The following SLC18A1 variants were observed in gnomAD, a reference collection of about 807,000 sequenced individuals.
SLC18A1 encodes chromaffin granule amine transporter.
Under a neutral mutation model 53.7 loss-of-function variants are expected in SLC18A1, and 69 were observed. The ratio of observed to expected loss-of-function variants is 1.28; its 90% CI spans 1.06 to 1.57. SLC18A1 has a LOEUF of 1.57. SLC18A1 is among the 40% of genes most tolerant of loss of function. The probability of loss-of-function intolerance (pLI) is 0.00; values close to 1 mark genes in which losing one functional copy is unlikely to be tolerated. For missense variants in SLC18A1, 932 were observed against 668.1 expected, an observed-to-expected ratio of 1.40 and a Z score of -4.35; for synonymous variants, 320 against 248.1, an observed-to-expected ratio of 1.29 and a Z score of -2.72.
intron 12 of SLC18A1, among the ~76,000 whole-genome samples, chr8:20,148,900 C>G (rs2071474171): frequency 6.6e-6 from 1 of 152,150 alleles, no homozygotes. Flanking sequence ...CCTTGACAAC[C>G]CTGTGGACAC....
rs183708009 is a variant in SLC18A1 at position 20,168,419 on chromosome 8, C to A, written c.858+2684G>T. 6.4e-3 allele frequency among the ~76,000 whole-genome samples: 968 copies of A among 152,086 alleles called. 21 individuals carry two copies. The highest frequency in any genetic ancestry group is 0.022 in the African/African-American group (895 of 41,412). ...GTGATGAACTACAAAAATAGGACTC[C>A]ATGATTCTACACTGATAATATCAGA... On this transcript the variant is annotated intron_variant, in intron 8 of 15. Transcript: ENST00000276373.
At chr8:20,166,309 ATATATATATATATATATATATACACCAC>A (rs1370829670) in intron 8 of SLC18A1, among the ~76,000 whole-genome samples, 2 of 92,056 alleles carry the variant, frequency 2.2e-5, no homozygotes, top group Admixed American at 2.1e-4. Context: ...ATATATATAT[ATATATATATATATATATATATACACCAC>A]CAGGTGGAAA....
intron 4 of SLC18A1, chr8:20,175,346 C>A (rs2072229578): frequency 6.6e-6 from 1 of 152,156 alleles, no homozygotes; most frequent in Non-Finnish European, 1.5e-5. Context: ...CGACATACAT[C>A]CTCAGTTTAC....
chr8:20,170,550 T>C (rs6997438), intron 8 of SLC18A1, among the ~76,000 whole-genome samples: 115,816 of 152,000 alleles, frequency 0.76, 44,688 homozygotes, highest in African/African-American at 0.87. Context: ...TTTCCAGAGC[T>C]GTTTTTGGCT....
Position 20,180,989 on chromosome 8 carries a change from T to C in SLC18A1, c.-25A>G, listed in dbSNP as rs1360584352. 1.3e-6 allele frequency: 2 copies of C among 1,555,566 alleles called. No homozygotes were observed. The highest frequency in any genetic ancestry group is 1.7e-6 in the Non-Finnish European group (2 of 1,149,216). On this transcript the variant is annotated 5_prime_UTR_variant, in exon 2 of 16. Coordinates refer to ENST00000276373, the MANE Select transcript of SLC18A1 (RefSeq NM_003053.4). ...TGGTGATGGCCGGACTGGGGCAGTC[T>C]TCCCCTGCGGGCTCTTAGGGAAGGT...
chr8:20,179,188 C>T lies in SLC18A1; in HGVS notation c.421G>A (p.Val141Ile), dbSNP rs755572731. 3.1e-6 allele frequency: 5 copies of T among 1,614,046 alleles called. No individual in the cohort carries two copies. Among genetic ancestry groups the T allele is most frequent in the Non-Finnish European group, 4.2e-6 (5 of 1,180,042 alleles). Residue 141 changes from valine to isoleucine, a missense_variant, in exon 3 of 16, where the codon GTT (valine) becomes ATT (isoleucine). Transcript: ENST00000276373. ...FLEEEITRVG[V>I]LFASKAVMQL... ...ATCACAGCCTTTGAAGCAAACAGAA[C>T]CCCGACCCGGGTAATCTCTTCCTCC...
At chr8:20,172,544 T>C (rs368867311) in intron 6 of SLC18A1, among the ~76,000 whole-genome samples, 2 of 152,180 alleles carry the variant, frequency 1.3e-5, no homozygotes, top group Non-Finnish European at 1.5e-5. Context: ...GTTTTATCGT[T>C]TGGGGCTTGG....
Position 20,149,695 on chromosome 8 carries a change from A to G in SLC18A1, c.1127T>C (p.Val376Ala). The part of the protein sequence containing the change: ...WLCSLIGMLV[V>A]GTSLLCVPLA... ...ACTTACACAGAGCAAGCTGGTACCT[A>G]CTACCAGCATCCCGATTAGGGAACA... Residue 376 changes from valine to alanine, a missense_variant, in exon 12 of 16, where the codon GTA becomes GCA. Transcript: ENST00000276373. The G allele has an allele frequency of 6.2e-7, 1 of 1,612,254 alleles. No homozygotes were observed. The highest frequency in any genetic ancestry group is 8.5e-7 in the Non-Finnish European group (1 of 1,179,628).
At chr8:20,154,546 G>A (rs922970024) in intron 10 of SLC18A1, among the ~76,000 whole-genome samples, 1 of 152,204 alleles carries the variant, frequency 6.6e-6, no homozygotes. Context: ...AGAGCAAGGT[G>A]TGGAACATGA....
At chr8:20,155,326 C>G (rs1417955256) in intron 10 of SLC18A1, among the ~76,000 whole-genome samples, 1 of 152,208 alleles carries the variant, frequency 6.6e-6, no homozygotes, top group Non-Finnish European at 1.5e-5. Context: ...TACCGAGCAC[C>G]TGTCAGCCAG....
At chr8:20,148,994 G>A (rs1433833605) in intron 12 of SLC18A1, among the ~76,000 whole-genome samples, 1 of 152,054 alleles carries the variant, frequency 6.6e-6, no homozygotes, top group Non-Finnish European at 1.5e-5. Context: ...ATAGAAAGTG[G>A]CAAAACCTGC....
chr8:20,147,579 G>A, intron 14 of SLC18A1, 24 bp downstream of exon 14: 4 of 1,613,390 alleles, frequency 2.5e-6, no homozygotes, highest in Non-Finnish European at 3.4e-6. Flanking sequence ...GGGGAAAGTG[G>A]GGCACCAGGT....
intron 10 of SLC18A1, among the ~76,000 whole-genome samples, chr8:20,162,086 C>T (rs1023745141): frequency 6.6e-6 from 1 of 152,220 alleles, no homozygotes; most frequent in South Asian, 2.1e-4. Flanking sequence ...GGCCAGGCCA[C>T]ATCTGGGCCC....
chr8:20,150,613 C>A (rs926613661), intron 11 of SLC18A1, 53 bp downstream of exon 11: 5 of 1,443,656 alleles, frequency 3.5e-6, no homozygotes, highest in Non-Finnish European at 4.9e-6. Flanking sequence ...CAGGAACGGG[C>A]GCTCTTCCAT....
intron 6 of SLC18A1, among the ~76,000 whole-genome samples, chr8:20,171,838 A>C (rs1257226480): frequency 6.6e-6 from 1 of 152,232 alleles, no homozygotes. Context: ...TCAGGCAGCC[A>C]CGAGGGCTTT....
chr8:20,165,224 A>C, intron 8 of SLC18A1, 117 bp from the exon 9 acceptor site: 1 of 885,086 alleles, frequency 1.1e-6, no homozygotes, highest in East Asian at 2.6e-5. Flanking sequence ...TATCTCCTTT[A>C]CTGCAGAGAC....
chr8:20,180,986 G>T lies in SLC18A1; in HGVS notation c.-22C>A, dbSNP rs373203621. 2.0e-5 allele frequency: 31 copies of T among 1,557,386 alleles called. 1 individual carries two copies. The highest frequency in any genetic ancestry group is 2.0e-5 in the Non-Finnish European group (23 of 1,150,398). ...GCATGGTGATGGCCGGACTGGGGCA[G>T]TCTTCCCCTGCGGGCTCTTAGGGAA... On this transcript the variant is annotated 5_prime_UTR_variant, in exon 2 of 16. In the 5' UTR this introduces an upstream ATG that the reference lacks. Transcript: ENST00000276373.
At chr8:20,160,022 G>C (rs906077523) in intron 10 of SLC18A1, among the ~76,000 whole-genome samples, 20 of 151,966 alleles carry the variant, frequency 1.3e-4, no homozygotes, top group East Asian at 1.2e-3. Flanking sequence ...GAAAAAAACA[G>C]TGCAGGCTAA....
intron 14 of SLC18A1, 85 bp downstream of exon 14, chr8:20,147,518 C>T: frequency 1.9e-6 from 3 of 1,595,308 alleles, no homozygotes; most frequent in Non-Finnish European, 2.6e-6. Context: ...ATCTCCAGAA[C>T]CCTAGGAGGA....
Sources: allele counts gnomAD v4.1 joint callset (sites outside exome capture counted in the v4.1 genomes callset), GRCh38; gene constraint gnomAD v4.1.1; transcripts MANE v1.5; gene names NCBI Gene and HGNC (gene_info 2026-07-23, HGNC 2026-07-21).